CEP112: variants seen among roughly 807,000 people sequenced by gnomAD.
CEP112 encodes the protein centrosomal protein 112.
CEP112 carries 127 observed loss-of-function variants against 153.0 expected under a neutral mutation model. That is an observed-to-expected ratio of 0.83 (90% CI 0.72 to 0.96). The LOEUF (loss-of-function observed/expected upper bound fraction) is 0.96, where lower values mean the gene tolerates loss of function less well. Ranked by LOEUF, CEP112 falls within the 40% of genes least tolerant of loss-of-function variation. The pLI is 0.00. For synonymous variants in CEP112, 358 were observed against 374.4 expected (o/e 0.96, Z 0.51); for missense variants, 1,089 against 1,101.2 (o/e 0.99, Z 0.16).
At chr17:66,113,928 T>C (rs909153034) in intron 6 of CEP112, among the ~76,000 whole-genome samples, 1 of 152,234 alleles carries the variant, frequency 6.6e-6, no homozygotes, top group Non-Finnish European at 1.5e-5. Context: ...AATCCACAAG[T>C]AACACGGAAC....
intron 10 of CEP112, 123 bp from the exon 11 acceptor site, chr17:66,063,204 T>C (rs543568555): frequency 2.2e-6 from 1 of 460,902 alleles, no homozygotes; most frequent in South Asian, 4.6e-5. Flanking sequence ...AATGCTTTCT[T>C]CTAAAATATC....
At chr17:65,670,019 CTTAT>C (rs2046903320) in intron 24 of CEP112, among the ~76,000 whole-genome samples, 1 of 152,052 alleles carries the variant, frequency 6.6e-6, no homozygotes, top group Non-Finnish European at 1.5e-5. Context: ...AAAAGACTCT[CTTAT>C]TTATCTTACA....
intron 24 of CEP112, among the ~76,000 whole-genome samples, chr17:65,666,111 C>T (rs909303018): frequency 2.0e-5 from 3 of 152,230 alleles, no homozygotes; most frequent in East Asian, 1.9e-4. Context: ...ACAATTTATA[C>T]ACAAAATCAT....
At chr17:65,948,527 C>T (rs182656946) in intron 18 of CEP112, among the ~76,000 whole-genome samples, 1 of 151,914 alleles carries the variant, frequency 6.6e-6, no homozygotes, top group Admixed American at 6.6e-5. Flanking sequence ...TTATGTGTTT[C>T]ACAGAGAATA....
At chr17:65,764,340 G>A (rs983397649) in intron 21 of CEP112, among the ~76,000 whole-genome samples, 5 of 152,210 alleles carry the variant, frequency 3.3e-5, no homozygotes, top group African/African-American at 1.2e-4. Context: ...GTCTGTTGTT[G>A]ATGGGGGATA....
chr17:65,762,938 A>G (rs772728504), intron 21 of CEP112, among the ~76,000 whole-genome samples: 4 of 152,022 alleles, frequency 2.6e-5, no homozygotes, highest in African/African-American at 4.8e-5. Context: ...TTTCTTACCT[A>G]TATCATTTTC....
At chr17:66,095,308 A>C (rs2146272756) in intron 8 of CEP112, among the ~76,000 whole-genome samples, 1 of 152,292 alleles carries the variant, frequency 6.6e-6, no homozygotes, top group South Asian at 2.1e-4. Context: ...ACACATACAC[A>C]CACACACACA....
At chr17:65,848,853 C>T (rs971977871) in intron 21 of CEP112, among the ~76,000 whole-genome samples, 3 of 152,176 alleles carry the variant, frequency 2.0e-5, no homozygotes, top group African/African-American at 7.2e-5. Flanking sequence ...CTCTTTGTCC[C>T]CTTGCTACTG....
intron 6 of CEP112, among the ~76,000 whole-genome samples, chr17:66,109,932 G>C (rs775407341): frequency 6.6e-6 from 1 of 152,144 alleles, no homozygotes. Flanking sequence ...AGGCTGAGGC[G>C]AGCAGATCAT....
intron 24 of CEP112, among the ~76,000 whole-genome samples, chr17:65,649,956 C>T (rs2143572558): frequency 6.6e-6 from 1 of 152,238 alleles, no homozygotes; most frequent in Non-Finnish European, 1.5e-5. Flanking sequence ...GCAGAATTTG[C>T]TTAACTTTTA....
intron 24 of CEP112, among the ~76,000 whole-genome samples, chr17:65,659,557 A>G (rs2046242111): frequency 1.3e-5 from 2 of 152,154 alleles, no homozygotes; most frequent in African/African-American, 4.8e-5. Flanking sequence ...TGAATCTCCC[A>G]CCTTCCAGCT....
At chr17:65,936,586 C>T (rs902060215) in intron 18 of CEP112, among the ~76,000 whole-genome samples, 7 of 152,040 alleles carry the variant, frequency 4.6e-5, no homozygotes, top group African/African-American at 9.7e-5. Context: ...CAGCTAACCA[C>T]GATCAAGAGG....
At chr17:65,791,784 G>C (rs1167710995) in intron 21 of CEP112, among the ~76,000 whole-genome samples, 1 of 152,054 alleles carries the variant, frequency 6.6e-6, no homozygotes, top group African/African-American at 2.4e-5. Context: ...TAAGGAATCA[G>C]ACAGCATCGC....
chr17:65,945,876 A>C (rs1410316310), intron 18 of CEP112, among the ~76,000 whole-genome samples: 1 of 152,022 alleles, frequency 6.6e-6, no homozygotes, highest in Non-Finnish European at 1.5e-5. Context: ...CAAACTCCTG[A>C]CCTCAGGTGA....
intron 16 of CEP112, among the ~76,000 whole-genome samples, chr17:66,022,883 T>C (rs1386554934): frequency 6.6e-6 from 1 of 151,832 alleles, no homozygotes; most frequent in African/African-American, 2.4e-5. Flanking sequence ...AAAAAATAAT[T>C]TCTGGAAATG....
intron 6 of CEP112, among the ~76,000 whole-genome samples, chr17:66,112,298 A>G (rs538586453): frequency 2.4e-4 from 37 of 152,230 alleles, no homozygotes; most frequent in Non-Finnish European, 4.3e-4. Flanking sequence ...TCTCAAAAAA[A>G]TAAAAAAATT....
intron 17 of CEP112, among the ~76,000 whole-genome samples, chr17:66,002,412 A>T (rs1311508687): frequency 6.6e-6 from 1 of 152,208 alleles, no homozygotes; most frequent in African/African-American, 2.4e-5. Flanking sequence ...GACACTTAGA[A>T]GTCATTAGGA....
chr17:66,030,584 A>C (rs2065421971), intron 12 of CEP112, among the ~76,000 whole-genome samples: 4 of 151,922 alleles, frequency 2.6e-5, no homozygotes, highest in Non-Finnish European at 1.5e-5. Flanking sequence ...ATTTTTTAAC[A>C]TCTTTGCCGT....
chr17:66,189,626 T>C (rs572812649), intron 1 of CEP112, among the ~76,000 whole-genome samples: 13 of 150,880 alleles, frequency 8.6e-5, no homozygotes, highest in Non-Finnish European at 1.6e-4. Context: ...TGGTAAAAAC[T>C]AAAAATCTGC....
Sources: gnomAD v4.1 joint callset for allele counts (sites outside exome capture counted in the v4.1 genomes callset) on GRCh38, gnomAD v4.1.1 for gene constraint, MANE v1.5 for transcripts, NCBI Gene and HGNC (gene_info 2026-07-23, HGNC 2026-07-21) for gene names.